RIPK4: variants seen among roughly 807,000 people sequenced by gnomAD.
RIPK4 encodes receptor interacting serine/threonine kinase 4.
In RIPK4, 17 loss-of-function variants were observed where a neutral mutation model predicts 42.9. The ratio of observed to expected loss-of-function variants is 0.40; its 90% CI spans 0.27 to 0.59. RIPK4 has a LOEUF of 0.59. Ranked by LOEUF, RIPK4 falls within the 20% of genes least tolerant of loss-of-function variation. The probability of loss-of-function intolerance (pLI) is 0.47; values close to 1 mark genes in which losing one functional copy is unlikely to be tolerated. For synonymous variants in RIPK4, 498 were observed against 499.1 expected, an observed-to-expected ratio of 1.00 and a Z score of 0.03; for missense variants, 897 against 1,104.4, an observed-to-expected ratio of 0.81 and a Z score of 2.66.
intron 5 of RIPK4, chr21:41,746,085 A>C: frequency 1.4e-6 from 1 of 704,838 alleles, no homozygotes; most frequent in Non-Finnish European, 2.6e-6. Flanking sequence ...TCAAGGCGGA[A>C]GCCTTCCCCG....
At chr21:41,747,548 G>C (rs1404748601) in intron 4 of RIPK4, among the ~76,000 whole-genome samples, 1 of 152,186 alleles carries the variant, frequency 6.6e-6, no homozygotes, top group Non-Finnish European at 1.5e-5. Flanking sequence ...TGGAATGGCA[G>C]CTCTTTGGAG....
intron 1 of RIPK4, among the ~76,000 whole-genome samples, chr21:41,766,444 G>T (rs547357606): frequency 6.6e-6 from 1 of 152,368 alleles, no homozygotes; most frequent in South Asian, 2.1e-4. Flanking sequence ...GCCCCGGTGG[G>T]TCCCGGGCGG....
intron 1 of RIPK4, among the ~76,000 whole-genome samples, chr21:41,758,221 A>T (rs927224590): frequency 2.0e-5 from 3 of 151,798 alleles, no homozygotes; most frequent in Admixed American, 6.6e-5. Context: ...CTCAACAAAA[A>T]TTCTGCACCC....
At position 41,742,318 on chromosome 21, in the gene RIPK4, G is replaced by C. The variant is rs530299462; in HGVS notation, c.1196-321C>G. Reference sequence around the variant, plus strand: ...TGACTGCAAACATCCCTTCATTAAAGAAAGAAGGAAAAAGGGCACAGACTA... The same window carrying C: ...TGACTGCAAACATCCCTTCATTAAACAAAGAAGGAAAAAGGGCACAGACTA... On this transcript the variant is annotated intron_variant, in intron 7 of 7. Coordinates refer to ENST00000332512, the MANE Select transcript of RIPK4 (RefSeq NM_020639.3). The surrounding 1 kb of genome is among the most constrained non-coding windows in gnomAD (Gnocchi z 5.1). Among the ~76,000 whole-genome samples the C allele has an allele frequency of 2.0e-5, 3 of 152,346 alleles. No individual in the cohort carries two copies. Among genetic ancestry groups the C allele is most frequent in the African/African-American group, 7.2e-5 (3 of 41,590 alleles).
At chr21:41,765,511 G>A (rs920932070) in intron 1 of RIPK4, among the ~76,000 whole-genome samples, 4 of 152,192 alleles carry the variant, frequency 2.6e-5, no homozygotes, top group Admixed American at 1.3e-4. Context: ...TCCTAGCCAA[G>A]GACGAAAATG....
chr21:41,751,256 G>C lies in RIPK4; in HGVS notation c.475-11C>G. The stretch of plus-strand genomic sequence containing the variant: ...ACCAAAATCAGAAATCTGCAACACA[G>C]CCATCAGAGCGGGGCTCATTAGCCT... On this transcript the variant is annotated splice_polypyrimidine_tract_variant and intron_variant, in intron 2 of 7. Transcript: ENST00000332512. The surrounding 1 kb of genome is among the most constrained non-coding windows in gnomAD (Gnocchi z 4.5). The C allele has an allele frequency of 1.2e-6, 2 of 1,613,948 alleles. No individual in the cohort carries two copies. Among genetic ancestry groups the C allele is most frequent in the Non-Finnish European group, 1.7e-6 (2 of 1,179,902 alleles).
In RIPK4 at chr21:41,755,909, ATC is replaced by A. The variant is rs1364192480; in HGVS notation, c.474+614_474+615del. Among the ~76,000 whole-genome samples, 1 of 152,250 alleles carries A rather than the reference ATC, an allele frequency of 6.6e-6. No homozygotes were observed. Among genetic ancestry groups the A allele is most frequent in the African/African-American group, 2.4e-5 (1 of 41,468 alleles). On this transcript the variant is annotated intron_variant, in intron 2 of 7. Transcript: ENST00000332512. This position sits in a 1 kb window ranked among gnomAD's most constrained non-coding sequence, Gnocchi z 4.2. ...GGCAACACTGGTTTTCAGTTACATTATCTCTCTTACTTTTCTGTGTTTCAAAA... is the reference window on the plus strand; with the variant it reads ...GGCAACACTGGTTTTCAGTTACATTATCTCTTACTTTTCTGTGTTTCAAAA...
In RIPK4 at chr21:41,741,655, T is replaced by G. The variant is rs1174876949; in HGVS notation, c.1538A>C (p.Gln513Pro). 1 of 1,613,626 alleles carries G rather than the reference T, an allele frequency of 6.2e-7. No individual in the cohort carries two copies. The highest frequency in any genetic ancestry group is 1.1e-5 in the South Asian group (1 of 91,094). ...CCGTGTGCTAGACTCGTCCCCGTTC[T>G]GGGCTGCAAAGTGGAGGGCTGTCCA... Reference protein sequence around the residue: ...DQWTALHFAAQNGDESSTRLL... With the variant: ...DQWTALHFAAPNGDESSTRLL... The change falls in exon 8 of 8, where the codon CAG (glutamine) becomes CCG (proline). Residue 513 changes from glutamine (Q) to proline (P), a missense_variant. Gln to Pro is a moderately conservative substitution (Grantham distance 76, BLOSUM62 -1). Coordinates refer to ENST00000332512, the MANE Select transcript of RIPK4 (RefSeq NM_020639.3).
rs1274168784 is a variant in RIPK4, at chr21:41,749,157, C to T, written c.670G>A (p.Ala224Thr). ...CCTCAAAGACAGGTCCACTCACCTG[C>T]AAACGGCTTCTTCTGTGTGAGCACG... ...WGVLTQKKPF[A>T]DEKNILHIMV... Residue 224 changes from alanine to threonine, a missense_variant, in exon 4 of 8, where the codon GCA becomes ACA. Coordinates refer to ENST00000332512, the MANE Select transcript of RIPK4 (RefSeq NM_020639.3). 8 of 1,613,798 alleles carry T rather than the reference C, an allele frequency of 5.0e-6. No individual in the cohort carries two copies. Among genetic ancestry groups the T allele is most frequent in the Non-Finnish European group, 6.8e-6 (8 of 1,179,862 alleles).
chr21:41,758,039 T>TAGAGAGAGAGAG (rs1268153558), intron 1 of RIPK4, among the ~76,000 whole-genome samples: 2 of 89,024 alleles, frequency 2.2e-5, no homozygotes, highest in African/African-American at 6.0e-5. Context: ...TATATATATA[T>TAGAGAGAGAGAG]ATAGAGAGAG....
At chr21:41,765,245 G>A (rs964995332) in intron 1 of RIPK4, among the ~76,000 whole-genome samples, 59 of 152,192 alleles carry the variant, frequency 3.9e-4, no homozygotes, top group African/African-American at 1.4e-3. Context: ...TATGGAGAGG[G>A]TTCCCTTTCA....
rs2277790 is a variant in RIPK4 at position 41,744,185 on chromosome 21, A to C, written c.937-45T>G. 1,073,065 of 1,510,256 alleles carry C rather than the reference A, an allele frequency of 0.71. 381,739 individuals carry two copies. Among genetic ancestry groups the C allele is most frequent in the Non-Finnish European group, 0.72 (815,269 of 1,131,824 alleles). 93.6% of individuals were successfully genotyped at this position (1,510,256 alleles called of 1,614,324 possible). ...GGGGTGGGTGAAGACCCTGCCATAG[A>C]CCGCATGGCCCGCCCATGACACAAA... On this transcript the variant is annotated intron_variant, in intron 6 of 7. Transcript: ENST00000332512.
chr21:41,744,107 G>A lies in RIPK4; in HGVS notation c.970C>T (p.Pro324Ser), dbSNP rs966742890. 6.2e-7 allele frequency: 1 copy of A among 1,605,006 alleles called. No homozygotes were observed. Among genetic ancestry groups the A allele is most frequent in the Non-Finnish European group, 8.5e-7 (1 of 1,174,944 alleles). Reference protein sequence around the residue: ...VPARLKRASAPTFDNDYSLSE... With the variant: ...VPARLKRASASTFDNDYSLSE... ...AGGCTGTAGTCGTTATCGAAGGTGG[G>A]GGCAGAGGCCCGCTTGAGCCTCGCA... The change falls in exon 7 of 8, where the codon CCC (proline) becomes TCC (serine). Residue 324 changes from proline (P) to serine (S), a missense_variant. Pro to Ser is a moderately conservative substitution (Grantham distance 74). Coordinates refer to ENST00000332512, the MANE Select transcript of RIPK4 (RefSeq NM_020639.3).
intron 2 of RIPK4, among the ~76,000 whole-genome samples, chr21:41,752,244 T>A (rs1253937684): frequency 1.3e-5 from 2 of 152,174 alleles, no homozygotes; most frequent in Non-Finnish European, 2.9e-5. Flanking sequence ...ACCCTTTTCA[T>A]TAACTCTTGA....
In RIPK4 at chr21:41,742,443, G is replaced by A. The variant is rs1209111095; in HGVS notation, c.1196-446C>T. Among the ~76,000 whole-genome samples, 1 of 152,208 alleles carries A rather than the reference G, an allele frequency of 6.6e-6. No homozygotes were observed. Among genetic ancestry groups the A allele is most frequent in the Non-Finnish European group, 1.5e-5 (1 of 68,040 alleles). On this transcript the variant is annotated intron_variant, in intron 7 of 7. Coordinates refer to ENST00000332512, the MANE Select transcript of RIPK4 (RefSeq NM_020639.3). This position sits in a 1 kb window ranked among gnomAD's most constrained non-coding sequence, Gnocchi z 5.1. Reference sequence around the variant, plus strand: ...GCCTGCAGAGATGGTGACTAGAGCTGGAAGGGGCTGCTCCAGCTCTTGCCC... The same window carrying A: ...GCCTGCAGAGATGGTGACTAGAGCTAGAAGGGGCTGCTCCAGCTCTTGCCC...
At position 41,746,725 on chromosome 21, in the gene RIPK4, G is replaced by A. The variant is rs534995730; in HGVS notation, c.720C>T (p.His240=). 29 of 1,608,602 alleles carry A rather than the reference G, an allele frequency of 1.8e-5. No homozygotes were observed. The Admixed American group carries it at 4.4e-4, about 24-fold the overall frequency. Residue 240 remains histidine (H), a synonymous_variant, in exon 5 of 8, where the codon CAC becomes CAT. Transcript: ENST00000332512. ...TGCACACGGGCGGCAGCTCGGGGCG[G>A]TGGCCCTTCACCACCTTCACCATGA... ...LHIMVKVVKG[H]RPELPPVCRA... is the part of the protein sequence containing the mutation.
chr21:41,744,444 C>T lies in RIPK4; in HGVS notation c.937-304G>A, dbSNP rs544856995. 3.3e-5 allele frequency among the ~76,000 whole-genome samples: 5 copies of T among 152,284 alleles called. No individual in the cohort carries two copies. In the South Asian group the frequency reaches 1.0e-3, roughly 32 times the overall value. ...ACTTGGGATGCTCAGACTCTGCACC[C>T]GCACAGCGCCAGGGAGCTCAAAGAC... is the stretch of plus-strand genomic sequence containing the variant. On this transcript the variant is annotated intron_variant, in intron 6 of 7. Transcript: ENST00000332512.
intron 4 of RIPK4, among the ~76,000 whole-genome samples, chr21:41,747,062 CATCCAAAGGAAGATGAG>C (rs2061174212): frequency 1.3e-5 from 2 of 152,244 alleles, no homozygotes; most frequent in Non-Finnish European, 2.9e-5. Context: ...CTAGGCATCC[CATCCAAAGGAAGATGAG>C]GTTCAAAGGA....
intron 1 of RIPK4, among the ~76,000 whole-genome samples, chr21:41,758,765 C>T (rs529007346): frequency 4.6e-5 from 7 of 152,366 alleles, no homozygotes; most frequent in East Asian, 3.9e-4. Flanking sequence ...AGAGGCCCTG[C>T]GGCCTGCAAA....
Sources: allele counts gnomAD v4.1 joint callset (sites outside exome capture counted in the v4.1 genomes callset), GRCh38; gene constraint gnomAD v4.1.1; non-coding constraint Gnocchi (gnomAD v3.1); transcripts MANE v1.5; gene names NCBI Gene and HGNC (gene_info 2026-07-23, HGNC 2026-07-21).